C19orf44: variants seen among roughly 807,000 people sequenced by gnomAD.
The protein encoded by C19orf44 is chromosome 19 open reading frame 44.
A neutral mutation model predicts 50.7 loss-of-function variants in C19orf44; 43 were observed. The ratio of observed to expected loss-of-function variants is 0.85; its 90% CI spans 0.66 to 1.09. C19orf44 has a LOEUF of 1.09. Ranked by LOEUF, C19orf44 falls within the 50% of genes least tolerant of loss-of-function variation. C19orf44 has a pLI of 0.00. For synonymous variants in C19orf44, 298 were observed against 334.7 expected, an observed-to-expected ratio of 0.89 and a Z score of 1.20; for missense variants, 722 against 836.2, an observed-to-expected ratio of 0.86 and a Z score of 1.68.
Position 16,513,003 on chromosome 19 carries a change from C to A in C19orf44, c.1640-11C>A. On this transcript the variant is annotated splice_polypyrimidine_tract_variant and intron_variant, in intron 5 of 8. Coordinates refer to ENST00000221671, the MANE Select transcript of C19orf44 (RefSeq NM_032207.4). ...CCTGCCTGCTTACCCCTCTCTTTGTCCCCGAGATAGTGGCCAGCATGGCAG... is the reference window on the plus strand; with the variant it reads ...CCTGCCTGCTTACCCCTCTCTTTGTACCCGAGATAGTGGCCAGCATGGCAG... 1 of 1,611,286 alleles carries A rather than the reference C, an allele frequency of 6.2e-7. No homozygotes were observed. Among genetic ancestry groups the A allele is most frequent in the South Asian group, 1.1e-5 (1 of 91,046 alleles).
intron 3 of C19orf44, among the ~76,000 whole-genome samples, chr19:16,504,273 C>T (rs375318295): frequency 6.6e-6 from 1 of 152,146 alleles, no homozygotes; most frequent in South Asian, 2.1e-4. Context: ...TCCTGGGTCC[C>T]GGCACACACT....
chr19:16,516,215 C>T (rs1351903833), intron 7 of C19orf44, among the ~76,000 whole-genome samples: 2 of 152,068 alleles, frequency 1.3e-5, no homozygotes, highest in Admixed American at 6.6e-5. Context: ...CAGGGTGGGT[C>T]GCTTGAGCCC....
chr19:16,497,496 G>A (rs1367708246), intron 1 of C19orf44, among the ~76,000 whole-genome samples: 1 of 151,604 alleles, frequency 6.6e-6, no homozygotes, highest in Non-Finnish European at 1.5e-5. Context: ...GATTACAGGC[G>A]CATGACACCA....
chr19:16,520,228 G>C lies in C19orf44; in HGVS notation c.*175G>C. The C allele has an allele frequency of 1.2e-6, 2 of 1,613,508 alleles. No homozygotes were observed. Among genetic ancestry groups the C allele is most frequent in the East Asian group, 2.2e-5 (1 of 44,872 alleles). On this transcript the variant is annotated 3_prime_UTR_variant, in exon 9 of 9. Transcript: ENST00000221671. This position sits in a 1 kb window ranked among gnomAD's most constrained non-coding sequence, Gnocchi z 4.0. ...TTGGACCGGGACCGCGACTGGGACC[G>C]GGAGCGGCTTCTGGAGGAGCGCGAC... is the stretch of plus-strand genomic sequence containing the variant.
chr19:16,509,628 G>C lies in C19orf44; in HGVS notation c.1279G>C (p.Gly427Arg), dbSNP rs755946095. 6.2e-7 allele frequency: 1 copy of C among 1,614,236 alleles called. No homozygotes were observed. Among genetic ancestry groups the C allele is most frequent in the Non-Finnish European group, 8.5e-7 (1 of 1,180,050 alleles). ...ASQGKAASAE[G>R]DESEVSEHLS... The stretch of plus-strand genomic sequence containing the variant: ...ACAGGGAAAGGCCGCCTCTGCAGAG[G>C]GGGATGAGAGCGAGGTCTCGGAGCA... The change falls in exon 5 of 9, where the codon GGG becomes CGG. Residue 427 changes from glycine (G) to arginine (R), a missense_variant. Physicochemically the swap from Gly to Arg is moderately radical, Grantham distance 125 (BLOSUM62 -2). Coordinates refer to ENST00000221671, the MANE Select transcript of C19orf44 (RefSeq NM_032207.4).
chr19:16,502,986 C>CAAAA, intron 2 of C19orf44, 79 bp from the exon 3 acceptor site: 1 of 1,182,198 alleles, frequency 8.5e-7, no homozygotes, highest in Non-Finnish European at 1.2e-6. Flanking sequence ...GACCCTTTCT[C>CAAAA]AAAAAAAAAA....
chr19:16,500,866 A>T lies in C19orf44; in HGVS notation c.74A>T (p.Asp25Val), dbSNP rs1847774900. 1 of 1,612,746 alleles carries T rather than the reference A, an allele frequency of 6.2e-7. No homozygotes were observed. The highest frequency in any genetic ancestry group is 8.5e-7 in the Non-Finnish European group (1 of 1,179,664). ...GACTTCAGTGATGTTTCCTTGGAAG[A>T]TTCAACAATGGAAGAAATCAGAAAC... Reference protein sequence around the residue: ...FGDFSDVSLEDSTMEEIRNFQ... With the variant: ...FGDFSDVSLEVSTMEEIRNFQ... The change falls in exon 2 of 9, where the codon GAT (aspartate) becomes GTT (valine). Residue 25 changes from aspartate (D) to valine (V), a missense_variant. Coordinates refer to ENST00000221671, the MANE Select transcript of C19orf44 (RefSeq NM_032207.4).
chr19:16,504,519 G>A (rs574526502), intron 3 of C19orf44, among the ~76,000 whole-genome samples: 4 of 151,422 alleles, frequency 2.6e-5, no homozygotes, highest in African/African-American at 9.7e-5. Flanking sequence ...CACCACACAC[G>A]TACTTCTCAG....
chr19:16,509,841 TTGTC>T lies in C19orf44; in HGVS notation c.1495_1498del (p.Ser499AsnfsTer6), dbSNP rs1322767545. ...GTCTCTTGACAGAACACTGGACGCTTTGTCTGAATCCTCTTCAAGTGTGAAGACA... is the reference window on the plus strand; with the variant it reads ...GTCTCTTGACAGAACACTGGACGCTTTGAATCCTCTTCAAGTGTGAAGACA... On this transcript the variant is annotated frameshift_variant, in exon 5 of 9. Coordinates refer to ENST00000221671, the MANE Select transcript of C19orf44 (RefSeq NM_032207.4). LOFTEE classifies it high-confidence loss of function. 1 of 1,614,240 alleles carries T rather than the reference TTGTC, an allele frequency of 6.2e-7. No individual in the cohort carries two copies. The highest frequency in any genetic ancestry group is 8.5e-7 in the Non-Finnish European group (1 of 1,180,042).
chr19:16,515,426 GA>G (rs1297460694), intron 7 of C19orf44, among the ~76,000 whole-genome samples: 1 of 152,194 alleles, frequency 6.6e-6, no homozygotes, highest in Non-Finnish European at 1.5e-5. Context: ...TTGTTGCAGA[GA>G]TGTGTAACCT....
rs1032252410 is a variant in C19orf44, at chr19:16,521,224, A to G, written c.*1171A>G. 17 of 571,644 alleles carry G rather than the reference A, an allele frequency of 3.0e-5. No individual in the cohort carries two copies. The African/African-American group carries it at 3.2e-4, about 11-fold the overall frequency. 35.4% of individuals were successfully genotyped at this position (571,644 alleles called of 1,614,324 possible). ...GGACAGGCCTGCAGCCCAGCACAGG[A>G]AGGAGGGGTGACCACTGGGAAGGGT... On this transcript the variant is annotated 3_prime_UTR_variant, in exon 9 of 9. Transcript: ENST00000221671.
chr19:16,500,355 T>C (rs1599727600), intron 1 of C19orf44, among the ~76,000 whole-genome samples: 1 of 147,490 alleles, frequency 6.8e-6, no homozygotes, highest in African/African-American at 2.6e-5. Flanking sequence ...TTTTTCTTTT[T>C]CTTTTTTTTT....
At chr19:16,514,430 GT>G in intron 6 of C19orf44, 66 bp from the exon 7 acceptor site, 5 of 1,432,726 alleles carry the variant, frequency 3.5e-6, no homozygotes, top group African/African-American at 1.4e-5. Context: ...CACCTGAGCG[GT>G]GGGGGGGGGG....
intron 4 of C19orf44, among the ~76,000 whole-genome samples, chr19:16,507,228 C>T (rs1461532610): frequency 1.3e-5 from 2 of 152,076 alleles, no homozygotes; most frequent in South Asian, 2.1e-4. Flanking sequence ...AGGTGAGAGA[C>T]CCTGATTTAG....
intron 1 of C19orf44, among the ~76,000 whole-genome samples, chr19:16,497,891 A>T (rs1300176523): frequency 6.6e-6 from 1 of 152,060 alleles, no homozygotes; most frequent in Non-Finnish European, 1.5e-5. Context: ...GAGGCTGCGG[A>T]TCTCTAGAAC....
intron 7 of C19orf44, among the ~76,000 whole-genome samples, chr19:16,516,184 C>T (rs573309232): frequency 1.9e-4 from 29 of 152,070 alleles, no homozygotes; most frequent in Non-Finnish European, 2.4e-4. Flanking sequence ...CCTGTAATCC[C>T]AGCACTTTGG....
chr19:16,513,130 A>T, intron 6 of C19orf44, 21 bp downstream of exon 6: 1 of 1,609,594 alleles, frequency 6.2e-7, no homozygotes, highest in Non-Finnish European at 8.5e-7. Context: ...GGCTCGGGGG[A>T]TCCTTCCTGT....
At chr19:16,514,316 C>T (rs995019153) in intron 6 of C19orf44, among the ~76,000 whole-genome samples, 181 bp from the exon 7 acceptor site, 4 of 150,760 alleles carry the variant, frequency 2.7e-5, no homozygotes, top group Admixed American at 1.3e-4. Context: ...CCCAGGAGTT[C>T]GAGGCTGCAG....
chr19:16,497,446 G>A (rs770047607), intron 1 of C19orf44, among the ~76,000 whole-genome samples: 2 of 144,452 alleles, frequency 1.4e-5, no homozygotes, highest in Non-Finnish European at 3.0e-5. Flanking sequence ...CGCCTCCCAG[G>A]TTCAAGCAAT....
Sources: allele counts gnomAD v4.1 joint callset (sites outside exome capture counted in the v4.1 genomes callset), GRCh38; gene constraint gnomAD v4.1.1; non-coding constraint Gnocchi (gnomAD v3.1); transcripts MANE v1.5; gene names NCBI Gene and HGNC (gene_info 2026-07-23, HGNC 2026-07-21).